ADAMTS17: variants seen among roughly 807,000 people sequenced by gnomAD.
ADAMTS17 encodes ADAM metallopeptidase with thrombospondin type 1 motif 17.
A neutral mutation model predicts 141.5 loss-of-function variants in ADAMTS17; 113 were observed. The ratio of observed to expected loss-of-function variants is 0.80; its 90% CI spans 0.69 to 0.93. ADAMTS17 has a LOEUF of 0.93. ADAMTS17 is among the 40% of genes least tolerant of loss of function. The pLI, the probability that ADAMTS17 is intolerant of heterozygous loss-of-function variation, is 0.00. For missense variants in ADAMTS17, 1,659 were observed against 1,517.9 expected (o/e 1.09, Z -1.54); for synonymous variants, 768 against 630.6 (o/e 1.22, Z -3.27).
intron 7 of ADAMTS17, among the ~76,000 whole-genome samples, chr15:100,203,139 A>G (rs1172986407): frequency 6.6e-6 from 1 of 152,142 alleles, no homozygotes; most frequent in Non-Finnish European, 1.5e-5. Context: ...GTCCCATTTT[A>G]TAGATGGGGA....
rs2060271430 is a variant in ADAMTS17, at chr15:99,974,238, T to A, written c.*164A>T. The stretch of plus-strand genomic sequence containing the variant: ...CAGCCAGTGGCTGTTAACAATATAT[T>A]AAGTACGGAAGCACTAATGGCAAAC... On this transcript the variant is annotated 3_prime_UTR_variant, in exon 22 of 22. Coordinates refer to ENST00000268070, the MANE Select transcript of ADAMTS17 (RefSeq NM_139057.4). 1.2e-6 allele frequency: 1 copy of A among 817,800 alleles called. No homozygotes were observed. Among genetic ancestry groups the A allele is most frequent in the East Asian group, 2.6e-5 (1 of 37,868 alleles). 50.7% of individuals were successfully genotyped at this position (817,800 alleles called of 1,614,324 possible). A position where few individuals can be genotyped will look rare whatever the true frequency, so the allele number is the denominator to read the frequency against.
chr15:100,096,470 C>T lies in ADAMTS17; in HGVS notation c.2023G>A (p.Gly675Ser), dbSNP rs1486295146. The T allele has an allele frequency of 1.3e-5, 21 of 1,613,980 alleles. No individual in the cohort carries two copies. The highest frequency in any genetic ancestry group is 4.5e-5 in the East Asian group (2 of 44,878). The part of the protein sequence containing the change: ...LCVHGKCQKI[G>S]CDGIIGSAAK... ...GCAGACCCGATGATGCCGTCACAGC[C>T]GATTTTCTAAAGAACCAGAGGGCCT... is the stretch of plus-strand genomic sequence containing the variant. Residue 675 changes from glycine (G) to serine (S), a missense_variant, in exon 15 of 22, where the codon GGC (glycine) becomes AGC (serine). By Grantham distance (56) the Gly-to-Ser change is moderately conservative. Coordinates refer to ENST00000268070, the MANE Select transcript of ADAMTS17 (RefSeq NM_139057.4).
At chr15:100,011,644 T>G (rs1219807554) in intron 18 of ADAMTS17, among the ~76,000 whole-genome samples, 1 of 152,200 alleles carries the variant, frequency 6.6e-6, no homozygotes, top group Non-Finnish European at 1.5e-5. Flanking sequence ...ATCCTTGCAT[T>G]GATCCTATAA....
chr15:100,056,431 G>A (rs528843313), intron 15 of ADAMTS17, among the ~76,000 whole-genome samples: 1 of 152,112 alleles, frequency 6.6e-6, no homozygotes, highest in African/African-American at 2.4e-5. Context: ...CCACAGACCA[G>A]GGGGTTGGGG....
At position 99,983,682 on chromosome 15, in the gene ADAMTS17, C is replaced by T. The variant is rs574177329; in HGVS notation, c.2950-7460G>A. 2.6e-5 allele frequency among the ~76,000 whole-genome samples: 4 copies of T among 152,320 alleles called. No homozygotes were observed. In the South Asian group the frequency reaches 6.2e-4, roughly 24 times the overall value. ...GCAGGGCTGCCCCCCACTGTCTCCC[C>T]GCACTGGGTCTGGGGTGAGCACAAG... On this transcript the variant is annotated intron_variant, in intron 20 of 21. Transcript: ENST00000268070.
intron 12 of ADAMTS17, among the ~76,000 whole-genome samples, chr15:100,130,981 G>A (rs983538302): frequency 6.6e-6 from 1 of 152,094 alleles, no homozygotes; most frequent in South Asian, 2.1e-4. Flanking sequence ...GCCCATCAAT[G>A]ATAGACTGGA....
At position 99,976,151 on chromosome 15, in the gene ADAMTS17, G is replaced by A. The variant is rs1411235871; in HGVS notation, c.3021C>T (p.His1007=). Residue 1007 remains histidine, a synonymous_variant, in exon 21 of 22, where the codon CAC becomes CAT. Coordinates refer to ENST00000268070, the MANE Select transcript of ADAMTS17 (RefSeq NM_139057.4). ...TCGAGAGGGCGGGGCACTCGCTGCC[G>A]TGGCGCCCTGTGACCTTGTGCATGC... ...VQCMHKVTGR[H]GSECPALSKP... is the part of the protein sequence containing the mutation. 3.0e-5 allele frequency: 46 copies of A among 1,550,578 alleles called. No homozygotes were observed. The East Asian group carries it at 5.1e-4, about 17-fold the overall frequency.
At position 100,040,895 on chromosome 15, in the gene ADAMTS17, A is replaced by G. The variant is rs1292182662; in HGVS notation, c.2591+7962T>C. 2.6e-5 allele frequency among the ~76,000 whole-genome samples: 4 copies of G among 152,228 alleles called. No individual in the cohort carries two copies. The East Asian group carries it at 5.8e-4, about 22-fold the overall frequency. On this transcript the variant is annotated intron_variant, in intron 18 of 21. Transcript: ENST00000268070. ...ACAAGGCATGTAATACACCACAGGT[A>G]TTAGTCACAATTAGATTTACCTATT...
chr15:100,232,162 C>T (rs547123854), intron 7 of ADAMTS17, among the ~76,000 whole-genome samples: 2 of 152,334 alleles, frequency 1.3e-5, no homozygotes, highest in South Asian at 4.1e-4. Context: ...GGATACCTGG[C>T]CAGAGGCAGC....
intron 3 of ADAMTS17, among the ~76,000 whole-genome samples, chr15:100,300,741 A>G (rs1392109702): frequency 6.6e-6 from 1 of 152,210 alleles, no homozygotes; most frequent in Non-Finnish European, 1.5e-5. Context: ...ATGGGCTTTC[A>G]TGAGTTCCAG....
intron 13 of ADAMTS17, 66 bp downstream of exon 13, chr15:100,116,781 G>C: frequency 1.2e-6 from 2 of 1,609,462 alleles, no homozygotes; most frequent in Non-Finnish European, 1.7e-6. Context: ...GGCTTCCCTA[G>C]GTGGTTTTTA....
At chr15:100,044,961 C>A (rs2031565694) in intron 18 of ADAMTS17, among the ~76,000 whole-genome samples, 1 of 152,050 alleles carries the variant, frequency 6.6e-6, no homozygotes, top group African/African-American at 2.4e-5. Context: ...GTGCACGCCA[C>A]CATGCCTGGC....
At chr15:100,175,744 C>A (rs1343345039) in intron 8 of ADAMTS17, among the ~76,000 whole-genome samples, 1 of 151,980 alleles carries the variant, frequency 6.6e-6, no homozygotes, top group Non-Finnish European at 1.5e-5. Context: ...GTGTCAACTC[C>A]AGCTTGTGGT....
At chr15:100,007,825 G>A (rs1051516472) in intron 18 of ADAMTS17, among the ~76,000 whole-genome samples, 2 of 152,126 alleles carry the variant, frequency 1.3e-5, no homozygotes, top group Non-Finnish European at 2.9e-5. Context: ...GGGCTGGAAA[G>A]TCATGAGCAA....
intron 15 of ADAMTS17, 98 bp from the exon 16 acceptor site, chr15:100,054,152 G>T: frequency 1.4e-6 from 2 of 1,411,422 alleles, no homozygotes; most frequent in Non-Finnish European, 1.0e-6. Context: ...TGGGGCAGAG[G>T]TCTCCCTTCC....
intron 18 of ADAMTS17, among the ~76,000 whole-genome samples, chr15:100,025,431 A>G (rs192526780): frequency 0.015 from 1,822 of 123,424 alleles, 29 homozygotes; most frequent in Non-Finnish European, 0.017. Context: ...TTTTTTTTTG[A>G]GACAGACTTT....
At chr15:100,325,538 AG>A (rs764141151) in intron 3 of ADAMTS17, among the ~76,000 whole-genome samples, 3 of 152,142 alleles carry the variant, frequency 2.0e-5, no homozygotes, top group Admixed American at 6.5e-5. Context: ...CTGGAGGTGG[AG>A]CCTAGTGGGA....
Position 100,261,107 on chromosome 15 carries a change from T to G in ADAMTS17, c.1031+372A>C, listed in dbSNP as rs557295726. Among the ~76,000 whole-genome samples, 19 of 152,254 alleles carry G rather than the reference T, an allele frequency of 1.2e-4. No individual in the cohort carries two copies. The South Asian group carries it at 3.9e-3, about 32-fold the overall frequency. ...CCCTCAGTACCTGTGAATGTGACCC[T>G]ATGTGGAAAAAGGGTCACTGCAGGT... On this transcript the variant is annotated intron_variant, in intron 6 of 21. Coordinates refer to ENST00000268070, the MANE Select transcript of ADAMTS17 (RefSeq NM_139057.4).
intron 18 of ADAMTS17, among the ~76,000 whole-genome samples, chr15:100,043,377 GA>G (rs368663691): frequency 6.6e-5 from 10 of 152,136 alleles, no homozygotes; most frequent in African/African-American, 9.7e-5. Flanking sequence ...AAGTGGTGGG[GA>G]GGCAGAAATC....
Sources: allele counts gnomAD v4.1 joint callset (sites outside exome capture counted in the v4.1 genomes callset), GRCh38; gene constraint gnomAD v4.1.1; transcripts MANE v1.5; gene names NCBI Gene and HGNC (gene_info 2026-07-23, HGNC 2026-07-21).